NOD1: variants seen among roughly 807,000 people sequenced by gnomAD.
NOD1 encodes nucleotide-binding oligomerization domain-containing protein 1.
A neutral mutation model predicts 81.2 loss-of-function variants in NOD1; 70 were observed. The ratio of observed to expected loss-of-function variants is 0.86; its 90% CI spans 0.71 to 1.05. The LOEUF is 1.05. NOD1 is among the 50% of genes least tolerant of loss of function. NOD1 has a pLI of 0.00. For synonymous variants in NOD1, 508 were observed against 526.9 expected (o/e 0.96, Z 0.49); for missense variants, 1,233 against 1,228.0 (o/e 1.00, Z -0.06).
chr7:30,470,413 A>G (rs1016356791), intron 1 of NOD1, among the ~76,000 whole-genome samples: 5 of 152,206 alleles, frequency 3.3e-5, no homozygotes, highest in Non-Finnish European at 7.3e-5. Flanking sequence ...TCCAGCACAT[A>G]GAGGGTGCTC....
At chr7:30,450,497 C>G (rs1179014827) in intron 6 of NOD1, among the ~76,000 whole-genome samples, 1 of 152,150 alleles carries the variant, frequency 6.6e-6, no homozygotes, top group Non-Finnish European at 1.5e-5. Flanking sequence ...ATAGGAAATG[C>G]TAATAGAAGA....
chr7:30,434,022 T>C (rs1784172289), intron 11 of NOD1, among the ~76,000 whole-genome samples: 1 of 152,210 alleles, frequency 6.6e-6, no homozygotes, highest in South Asian at 2.1e-4. Flanking sequence ...AAATATATTG[T>C]GATATCTATT....
At position 30,457,009 on chromosome 7, in the gene NOD1, C is replaced by A; in HGVS notation, c.-88G>T. On this transcript the variant is annotated 5_prime_UTR_variant, in exon 4 of 14. Coordinates refer to ENST00000222823, the MANE Select transcript of NOD1 (RefSeq NM_006092.4). ...AGAAGGGCAATCAGGATTCAGGCCGCGCCCTCCAGGGCCCCTGCTACTCTG... is the reference window on the plus strand; with the variant it reads ...AGAAGGGCAATCAGGATTCAGGCCGAGCCCTCCAGGGCCCCTGCTACTCTG... The A allele has an allele frequency of 8.9e-7, 1 of 1,118,704 alleles. No homozygotes were observed. The highest frequency in any genetic ancestry group is 1.3e-6 in the Non-Finnish European group (1 of 741,092). The allele number at this position is 1,118,704 out of a possible 1,614,324, so 69.3% of individuals were successfully genotyped here.
Position 30,451,815 on chromosome 7 carries a change from C to G in NOD1, c.1602G>C (p.Arg534Ser). 6.2e-7 allele frequency: 1 copy of G among 1,613,838 alleles called. No homozygotes were observed. Among genetic ancestry groups the G allele is most frequent in the East Asian group, 2.2e-5 (1 of 44,850 alleles). ...ACCTGAGCAGCTCCTGAGTGCCCAC[C>G]CTGTCGTCCAGCACGAGGAAGAAGG... ...FTAFFLVLDDRVGTQELLRFF... is the reference protein window; with the variant it reads ...FTAFFLVLDDSVGTQELLRFF... The change falls in exon 6 of 14, where the codon AGG (arginine) becomes AGC (serine). Residue 534 changes from arginine (R) to serine (S), a missense_variant. Arg to Ser is a moderately radical substitution (Grantham distance 110). Transcript: ENST00000222823. The surrounding 1 kb of genome is among the most constrained non-coding windows in gnomAD (Gnocchi z 4.2).
chr7:30,461,152 A>C (rs1238680420), intron 1 of NOD1, among the ~76,000 whole-genome samples: 6 of 152,258 alleles, frequency 3.9e-5, no homozygotes, highest in Non-Finnish European at 7.3e-5. Context: ...AAAATATTTC[A>C]GTATGTCATC....
At chr7:30,475,246 T>G (rs1788655463) in intron 1 of NOD1, among the ~76,000 whole-genome samples, 1 of 152,194 alleles carries the variant, frequency 6.6e-6, no homozygotes, top group Admixed American at 6.5e-5. Context: ...AATGACTACA[T>G]TCTCCCAATT....
chr7:30,448,667 T>C lies in NOD1; in HGVS notation c.2202-286A>G, dbSNP rs950191416. ...GAGGACGTGTGAGGCCAGCCACCTCTGACATCCACCCTTTGCGTGTGACCT... is the reference window on the plus strand; with the variant it reads ...GAGGACGTGTGAGGCCAGCCACCTCCGACATCCACCCTTTGCGTGTGACCT... On this transcript the variant is annotated intron_variant, in intron 6 of 13. Transcript: ENST00000222823. Among the ~76,000 whole-genome samples the C allele has an allele frequency of 3.3e-5, 5 of 152,320 alleles. 1 individual carries two copies. The highest frequency in any genetic ancestry group is 1.2e-4 in the African/African-American group (5 of 41,586).
chr7:30,448,368 G>A lies in NOD1; in HGVS notation c.2215C>T (p.Gln739Ter), dbSNP rs1372146123. The A allele has an allele frequency of 6.2e-7, 1 of 1,614,022 alleles. No individual in the cohort carries two copies. Among genetic ancestry groups the A allele is most frequent in the Non-Finnish European group, 8.5e-7 (1 of 1,179,892 alleles). The change falls in exon 7 of 14, where the codon CAG becomes TAG. Residue 739 changes from glutamine (Q) to a stop codon, truncating the protein, a stop_gained. Coordinates refer to ENST00000222823, the MANE Select transcript of NOD1 (RefSeq NM_006092.4). LOFTEE classifies it high-confidence loss of function. ...ACCTTTACCCCACCGTCAGTGATCTGGTTTACGCTGAGTCTGAAATAAAAC... is the reference window on the plus strand; with the variant it reads ...ACCTTTACCCCACCGTCAGTGATCTAGTTTACGCTGAGTCTGAAATAAAAC... ...RLTVLRLSVN[Q>*]ITDGGVKVLS...
At position 30,468,700 on chromosome 7, in the gene NOD1, G is replaced by C. The variant is rs918559241; in HGVS notation, c.-351-8659C>G. ...TAACCCAGATTGCAAATGTCAATTA[G>C]AGTGGGCTCCACCAACCCCCAACAT... On this transcript the variant is annotated intron_variant, in intron 1 of 13. Coordinates refer to ENST00000222823, the MANE Select transcript of NOD1 (RefSeq NM_006092.4). 3.1e-5 allele frequency: 13 copies of C among 421,184 alleles called. No homozygotes were observed. The South Asian group carries it at 1.2e-3, about 39-fold the overall frequency. 26.1% of individuals were successfully genotyped at this position (421,184 alleles called of 1,614,324 possible).
chr7:30,458,289 T>C (rs145077265), intron 3 of NOD1, among the ~76,000 whole-genome samples: 426 of 152,236 alleles, frequency 2.8e-3, no homozygotes, highest in Non-Finnish European at 4.3e-3. Context: ...GTGTGTAAAA[T>C]GATCTTGGAA....
intron 1 of NOD1, among the ~76,000 whole-genome samples, chr7:30,461,238 C>T (rs1208400416): frequency 6.6e-6 from 1 of 152,160 alleles, no homozygotes; most frequent in Non-Finnish European, 1.5e-5. Context: ...AGTGCGGTGG[C>T]GCAATCTCGG....
At chr7:30,435,824 T>C (rs1041503463) in intron 11 of NOD1, among the ~76,000 whole-genome samples, 174 bp downstream of exon 11, 2 of 151,998 alleles carry the variant, frequency 1.3e-5, no homozygotes, top group African/African-American at 4.8e-5. Flanking sequence ...CTGGGTGTGG[T>C]GGTGCATGCC....
intron 7 of NOD1, 97 bp from the exon 8 acceptor site, chr7:30,447,147 G>A (rs1370561381): frequency 6.3e-7 from 1 of 1,598,558 alleles, no homozygotes; most frequent in Non-Finnish European, 8.5e-7. Context: ...GATTTCCAAA[G>A]TCTGGGTTGA....
chr7:30,437,204 A>G (rs754392415), intron 10 of NOD1, among the ~76,000 whole-genome samples: 2 of 151,702 alleles, frequency 1.3e-5, no homozygotes, highest in South Asian at 2.1e-4. Context: ...GAGGGGAACA[A>G]CACACACCAG....
chr7:30,464,982 G>A (rs1286396986), intron 1 of NOD1, among the ~76,000 whole-genome samples: 3 of 152,178 alleles, frequency 2.0e-5, no homozygotes, highest in Non-Finnish European at 4.4e-5. Flanking sequence ...GGAAACTGAG[G>A]CACACAGAGG....
intron 1 of NOD1, among the ~76,000 whole-genome samples, chr7:30,461,384 C>G (rs1787056586): frequency 6.6e-6 from 1 of 152,100 alleles, no homozygotes; most frequent in Admixed American, 6.5e-5. Context: ...CATCATATTG[C>G]CCAGGCTGGT....
Position 30,467,842 on chromosome 7 carries a change from C to T in NOD1, c.-351-7801G>A, listed in dbSNP as rs1421170445. On this transcript the variant is annotated intron_variant, in intron 1 of 13. Transcript: ENST00000222823. The surrounding 1 kb of genome is among the most constrained non-coding windows in gnomAD (Gnocchi z 4.5). ...TCAGCCTCCTGAGTAGCTGGGATTA[C>T]AGGCACCTGCCACCACACCCGGCTA... 6.6e-6 allele frequency among the ~76,000 whole-genome samples: 1 copy of T among 152,164 alleles called. No homozygotes were observed. Among genetic ancestry groups the T allele is most frequent in the Non-Finnish European group, 1.5e-5 (1 of 68,032 alleles).
Position 30,451,404 on chromosome 7 carries a change from C to G in NOD1, c.2013G>C (p.Ala671=). 1 of 1,614,000 alleles carries G rather than the reference C, an allele frequency of 6.2e-7. No individual in the cohort carries two copies. The part of the protein sequence containing the change: ...ETQSQKVGQL[A]ARGICANYLK... ...GGTAGTTGGCGCAGATGCCCCTGGC[C>G]GCCAGCTGCCCCACCTTCTGGCTCT... Residue 671 remains alanine (A), a synonymous_variant, in exon 6 of 14, where the codon GCG becomes GCC. Transcript: ENST00000222823. The surrounding 1 kb of genome is among the most constrained non-coding windows in gnomAD (Gnocchi z 4.2).
chr7:30,432,310 A>G (rs1784020060), intron 12 of NOD1, among the ~76,000 whole-genome samples: 1 of 152,188 alleles, frequency 6.6e-6, no homozygotes, highest in South Asian at 2.1e-4. Flanking sequence ...CATTTCTCCA[A>G]AGAAGCTATA....
Sources: gnomAD v4.1 joint callset for allele counts (sites outside exome capture counted in the v4.1 genomes callset) on GRCh38, gnomAD v4.1.1 for gene constraint, Gnocchi (gnomAD v3.1) non-coding constraint, MANE v1.5 for transcripts, NCBI Gene and HGNC (gene_info 2026-07-23, HGNC 2026-07-21) for gene names.